RIMS1: variants seen among roughly 807,000 people sequenced by gnomAD.
RIMS1 encodes regulating synaptic membrane exocytosis 1.
RIMS1 carries 83 observed loss-of-function variants against 214.1 expected under a neutral mutation model. The observed-to-expected ratio is 0.39, with a 90% CI of 0.32 to 0.47. RIMS1 has a LOEUF of 0.47. Among genes scored for constraint, RIMS1 ranks in the 20% least tolerant of loss-of-function variants. The probability of loss-of-function intolerance (pLI) is 0.99; values close to 1 mark genes in which losing one functional copy is unlikely to be tolerated. For missense variants in RIMS1, 2,050 were observed against 2,161.8 expected, an observed-to-expected ratio of 0.95 and a Z score of 1.03; for synonymous variants, 793 against 786.8, an observed-to-expected ratio of 1.01 and a Z score of -0.13.
chr6:71,962,609 G>T (rs1419522617), intron 1 of RIMS1, among the ~76,000 whole-genome samples: 1 of 151,970 alleles, frequency 6.6e-6, no homozygotes, highest in African/African-American at 2.4e-5. Context: ...TTCATCTTAT[G>T]GATAACAGTC....
intron 4 of RIMS1, among the ~76,000 whole-genome samples, chr6:72,126,987 G>A (rs1249595275): frequency 2.6e-5 from 4 of 152,092 alleles, no homozygotes; most frequent in Admixed American, 2.6e-4. Context: ...GCATAATTTT[G>A]AGAATGAAGA....
At chr6:72,325,067 C>T (rs894940704) in intron 28 of RIMS1, among the ~76,000 whole-genome samples, 2 of 151,848 alleles carry the variant, frequency 1.3e-5, no homozygotes, top group Non-Finnish European at 1.5e-5. Flanking sequence ...AAGAAATATC[C>T]TGACCCAGGT....
At chr6:72,357,296 A>C (rs1408577552) in intron 29 of RIMS1, among the ~76,000 whole-genome samples, 1 of 152,200 alleles carries the variant, frequency 6.6e-6, no homozygotes, top group East Asian at 1.9e-4. Context: ...TTCTCATAGC[A>C]GCCCAAGGGC....
chr6:72,143,087 A>G (rs2153885920), intron 4 of RIMS1, among the ~76,000 whole-genome samples: 1 of 152,290 alleles, frequency 6.6e-6, no homozygotes, highest in East Asian at 1.9e-4. Flanking sequence ...TATAGTGTTC[A>G]TGGTGGTTGA....
At chr6:72,196,986 C>G (rs2051105649) in intron 6 of RIMS1, among the ~76,000 whole-genome samples, 1 of 152,070 alleles carries the variant, frequency 6.6e-6, no homozygotes, top group African/African-American at 2.4e-5. Context: ...TTCCCCCTTC[C>G]TCTTTATTGC....
At chr6:72,375,309 G>C (rs1175367494) in intron 29 of RIMS1, among the ~76,000 whole-genome samples, 1 of 152,028 alleles carries the variant, frequency 6.6e-6, no homozygotes, top group Non-Finnish European at 1.5e-5. Flanking sequence ...ACATTTTACA[G>C]AATTTCTCCT....
At chr6:72,000,003 T>A (rs1180259713) in intron 2 of RIMS1, among the ~76,000 whole-genome samples, 1 of 152,136 alleles carries the variant, frequency 6.6e-6, no homozygotes, top group Non-Finnish European at 1.5e-5. Context: ...AAGATATTAA[T>A]CTGTTGTTCA....
At chr6:72,152,523 A>G (rs541275914) in intron 4 of RIMS1, among the ~76,000 whole-genome samples, 2 of 152,130 alleles carry the variant, frequency 1.3e-5, no homozygotes, top group South Asian at 2.1e-4. Flanking sequence ...CTTTGGATTT[A>G]TACTACAGAT....
At chr6:71,918,967 G>A (rs547772688) in intron 1 of RIMS1, among the ~76,000 whole-genome samples, 3 of 152,220 alleles carry the variant, frequency 2.0e-5, no homozygotes, top group Admixed American at 6.5e-5. Context: ...CCAAGGAAAC[G>A]CCTTTCACTC....
intron 2 of RIMS1, among the ~76,000 whole-genome samples, chr6:72,057,463 T>C (rs368454128): frequency 6.6e-6 from 1 of 152,046 alleles, no homozygotes; most frequent in Non-Finnish European, 1.5e-5. Flanking sequence ...TCTGTTGTTA[T>C]GTAATTATTG....
At chr6:72,238,723 C>CA (rs1212937392) in intron 9 of RIMS1, among the ~76,000 whole-genome samples, 2 of 152,030 alleles carry the variant, frequency 1.3e-5, no homozygotes, top group Non-Finnish European at 2.9e-5. Context: ...ATAAAGGAAA[C>CA]AGAGTTGGCT....
chr6:71,894,944 G>A (rs1771191714), intron 1 of RIMS1, among the ~76,000 whole-genome samples: 1 of 152,098 alleles, frequency 6.6e-6, no homozygotes, highest in Non-Finnish European at 1.5e-5. Context: ...ACATTATTTA[G>A]TATTTGTTTG....
Position 72,246,076 on chromosome 6 carries a change from A to G in RIMS1, c.2128+215A>G, listed in dbSNP as rs578024312. ...CCTCTACTTTTTTATGTGATTAAAA[A>G]AAAAATCTTTACTGGGAATACTCTT... On this transcript the variant is annotated intron_variant, in intron 11 of 33. Transcript: ENST00000521978. Among the ~76,000 whole-genome samples, 6 of 152,294 alleles carry G rather than the reference A, an allele frequency of 3.9e-5. No individual in the cohort carries two copies. The South Asian group carries it at 1.2e-3, about 32-fold the overall frequency.
chr6:72,104,550 G>A (rs1007068708), intron 4 of RIMS1, among the ~76,000 whole-genome samples: 20 of 152,094 alleles, frequency 1.3e-4, no homozygotes, highest in Admixed American at 2.6e-4. Context: ...GTTGGTAGCC[G>A]TTTCCTCTGG....
chr6:72,094,730 A>G lies in RIMS1; in HGVS notation c.246-2219A>G, dbSNP rs1013719376. ...TATTTACAATCTGGCTTTATTCCAAAAAGTTTGCCAACACTCATACTACAT... is the reference window on the plus strand; with the variant it reads ...TATTTACAATCTGGCTTTATTCCAAGAAGTTTGCCAACACTCATACTACAT... On this transcript the variant is annotated intron_variant, in intron 2 of 33. Transcript: ENST00000521978. 4.6e-5 allele frequency among the ~76,000 whole-genome samples: 7 copies of G among 152,268 alleles called. No individual in the cohort carries two copies. In the South Asian group the frequency reaches 1.5e-3, roughly 32 times the overall value.
chr6:72,353,890 G>C (rs909863066), intron 29 of RIMS1, among the ~76,000 whole-genome samples: 4 of 152,184 alleles, frequency 2.6e-5, no homozygotes, highest in Admixed American at 1.3e-4. Flanking sequence ...AAGGTATAGA[G>C]ATTAAGTAAC....
At chr6:72,132,293 A>G (rs951885403) in intron 4 of RIMS1, among the ~76,000 whole-genome samples, 3 of 152,194 alleles carry the variant, frequency 2.0e-5, no homozygotes, top group Non-Finnish European at 2.9e-5. Context: ...AGAAATTATA[A>G]AAGTATTAAT....
At chr6:72,288,677 C>T (rs1013600318) in intron 24 of RIMS1, among the ~76,000 whole-genome samples, 2 of 152,116 alleles carry the variant, frequency 1.3e-5, no homozygotes, top group African/African-American at 4.8e-5. Flanking sequence ...ATCATCTCTC[C>T]TCTGCAAAAC....
chr6:72,362,325 A>C (rs2097854322), intron 29 of RIMS1, among the ~76,000 whole-genome samples: 1 of 152,194 alleles, frequency 6.6e-6, no homozygotes, highest in Admixed American at 6.5e-5. Context: ...AATGAGTATT[A>C]CCATATTTAT....
Sources: allele counts gnomAD v4.1 joint callset (sites outside exome capture counted in the v4.1 genomes callset), GRCh38; gene constraint gnomAD v4.1.1; transcripts MANE v1.5; gene names NCBI Gene and HGNC (gene_info 2026-07-23, HGNC 2026-07-21).